RBM27: variants seen among roughly 807,000 people sequenced by gnomAD.
RBM27 encodes RNA binding motif protein 27, also known as RNA-binding protein 27.
Under a neutral mutation model 135.3 loss-of-function variants are expected in RBM27, and 22 were observed. That is an observed-to-expected ratio of 0.16 (90% CI 0.12 to 0.23). The LOEUF is 0.23. Among genes scored for constraint, RBM27 ranks in the 10% least tolerant of loss-of-function variants. The pLI, the probability that RBM27 is intolerant of heterozygous loss-of-function variation, is 1.00. For missense variants in RBM27, 1,009 were observed against 1,281.0 expected (o/e 0.79, Z 3.24); for synonymous variants, 481 against 442.4 (o/e 1.09, Z -1.10).
chr5:146,225,923 C>T (rs537974523), intron 3 of RBM27, among the ~76,000 whole-genome samples: 13 of 151,834 alleles, frequency 8.6e-5, no homozygotes, highest in South Asian at 8.3e-4. Context: ...AGTGCGGTGG[C>T]GCGATCTCGG....
At chr5:146,247,735 A>G (rs577576074) in intron 8 of RBM27, among the ~76,000 whole-genome samples, 1 of 152,308 alleles carries the variant, frequency 6.6e-6, no homozygotes, top group Non-Finnish European at 1.5e-5. Context: ...CATTTTATAG[A>G]TGGCGTTATG....
intron 19 of RBM27, among the ~76,000 whole-genome samples, chr5:146,275,575 A>G (rs1193689487): frequency 6.6e-6 from 1 of 152,088 alleles, no homozygotes; most frequent in South Asian, 2.1e-4. Flanking sequence ...CCCAGAAAGA[A>G]CTTTTTAAAA....
chr5:146,206,928 G>T (rs1009713223), intron 1 of RBM27, among the ~76,000 whole-genome samples: 2 of 152,000 alleles, frequency 1.3e-5, no homozygotes, highest in African/African-American at 4.8e-5. Context: ...TTTGAATGGA[G>T]ATATTAATAA....
At chr5:146,225,721 A>C (rs1246914914) in intron 3 of RBM27, among the ~76,000 whole-genome samples, 1 of 151,996 alleles carries the variant, frequency 6.6e-6, no homozygotes, top group East Asian at 1.9e-4. Flanking sequence ...ATGTGCCACC[A>C]TGCCTGGCTG....
At chr5:146,206,377 T>TC (rs1755653567) in intron 1 of RBM27, among the ~76,000 whole-genome samples, 1 of 149,206 alleles carries the variant, frequency 6.7e-6, no homozygotes, top group African/African-American at 2.5e-5. Flanking sequence ...TTTTTTTTTT[T>TC]TCCTTCTTTT....
intron 17 of RBM27, among the ~76,000 whole-genome samples, chr5:146,269,931 G>T (rs1366840223): frequency 6.6e-6 from 1 of 151,862 alleles, no homozygotes; most frequent in East Asian, 1.9e-4. Context: ...TTGGGAAGAG[G>T]TTGATAATAC....
In RBM27 at chr5:146,223,539, T is replaced by G; in HGVS notation, c.303+12T>G. The G allele has an allele frequency of 6.3e-7, 1 of 1,592,870 alleles. No individual in the cohort carries two copies. Among genetic ancestry groups the G allele is most frequent in the Non-Finnish European group, 8.5e-7 (1 of 1,174,264 alleles). ...AAATTAAAGAAGAGGTAATGCAAAT[T>G]TTTTCTCCTGCTTTTGGGGGCTTCT... On this transcript the variant is annotated intron_variant, in intron 3 of 20. Transcript: ENST00000265271.
intron 3 of RBM27, among the ~76,000 whole-genome samples, chr5:146,225,738 G>C (rs1194610705): frequency 6.6e-6 from 1 of 151,876 alleles, no homozygotes; most frequent in Non-Finnish European, 1.5e-5. Context: ...GCTGATTTTT[G>C]TATTTTTAAT....
intron 8 of RBM27, among the ~76,000 whole-genome samples, chr5:146,244,183 A>G (rs1224417219): frequency 6.6e-6 from 1 of 152,200 alleles, no homozygotes; most frequent in Non-Finnish European, 1.5e-5. Flanking sequence ...ACTGAATAGG[A>G]TATACATGGT....
chr5:146,251,705 C>T lies in RBM27; in HGVS notation c.1280-6C>T. On this transcript the variant is annotated splice_region_variant and splice_polypyrimidine_tract_variant and intron_variant, in intron 8 of 20. Coordinates refer to ENST00000265271, the MANE Select transcript of RBM27 (RefSeq NM_018989.2). ...CCCAGCTGCCCTCCTATTCTTTCCT[C>T]TATAGGACAGCCCATGTACTCTCGT... The T allele has an allele frequency of 1.2e-6, 2 of 1,605,022 alleles. No individual in the cohort carries two copies. The highest frequency in any genetic ancestry group is 1.7e-5 in the Admixed American group (1 of 60,010).
chr5:146,225,933 G>T (rs1210806293), intron 3 of RBM27, among the ~76,000 whole-genome samples: 1 of 151,944 alleles, frequency 6.6e-6, no homozygotes, highest in Non-Finnish European at 1.5e-5. Context: ...CGCGATCTCG[G>T]CCCATTGCAA....
chr5:146,217,906 C>T (rs963947702), intron 1 of RBM27, among the ~76,000 whole-genome samples: 2 of 151,856 alleles, frequency 1.3e-5, no homozygotes, highest in African/African-American at 4.8e-5. Flanking sequence ...TACAGACGTG[C>T]ACCACCACAC....
intron 7 of RBM27, among the ~76,000 whole-genome samples, chr5:146,236,287 G>A (rs1300732590): frequency 1.3e-5 from 2 of 152,092 alleles, no homozygotes; most frequent in Non-Finnish European, 1.5e-5. Context: ...ATATCTTTCC[G>A]TTTCTCCATT....
chr5:146,275,848 A>G (rs1759070836), intron 19 of RBM27, among the ~76,000 whole-genome samples: 1 of 152,212 alleles, frequency 6.6e-6, no homozygotes, highest in Non-Finnish European at 1.5e-5. Context: ...ATATTTTTCA[A>G]GTAGTGTGGC....
In RBM27 at chr5:146,223,469, A is replaced by T; in HGVS notation, c.245A>T (p.Glu82Val). The change falls in exon 3 of 21, where the codon GAA becomes GTA. Residue 82 changes from glutamate to valine, a missense_variant. Transcript: ENST00000265271. ...LYTKNYLPLL[E>V]PVKPEPKPLV... is the part of the protein sequence containing the mutation. ...ACTAAGAACTACCTTCCACTTTTGG[A>T]ACCAGTAAAGCCTGAGCCAAAACCA... The T allele has an allele frequency of 6.2e-7, 1 of 1,610,696 alleles. No individual in the cohort carries two copies. Among genetic ancestry groups the T allele is most frequent in the Non-Finnish European group, 8.5e-7 (1 of 1,178,510 alleles).
chr5:146,286,745 G>C lies in RBM27; in HGVS notation c.*715G>C, dbSNP rs748409573. 1 of 151,984 alleles carries C rather than the reference G, an allele frequency of 6.6e-6. No individual in the cohort carries two copies. Among genetic ancestry groups the C allele is most frequent in the Non-Finnish European group, 1.5e-5 (1 of 68,012 alleles). 9.4% of individuals were successfully genotyped at this position (151,984 alleles called of 1,614,324 possible). A position where few individuals can be genotyped will look rare whatever the true frequency, so the allele number is the denominator to read the frequency against. On this transcript the variant is annotated 3_prime_UTR_variant, in exon 21 of 21. Transcript: ENST00000265271. ...CTGCTACTGATTCTTAGTTTGCTTT[G>C]ATATTTAGTGAGCGCTGGTTCGGCT...
chr5:146,205,966 G>A (rs1244266939), intron 1 of RBM27, among the ~76,000 whole-genome samples: 1 of 152,090 alleles, frequency 6.6e-6, no homozygotes, highest in Non-Finnish European at 1.5e-5. Flanking sequence ...GTTTCAGTGA[G>A]CCTAGATCAG....
At chr5:146,231,491 A>C (rs1211254482) in intron 6 of RBM27, among the ~76,000 whole-genome samples, 5 of 151,932 alleles carry the variant, frequency 3.3e-5, no homozygotes, top group Non-Finnish European at 5.9e-5. Flanking sequence ...GAGAATATTT[A>C]AATTTTACCC....
At position 146,233,662 on chromosome 5, in the gene RBM27, C is replaced by G. The variant is rs1757041612; in HGVS notation, c.1063C>G (p.Pro355Ala). ...TCCAGGCCCAGGCCCGGGCCCAGGT[C>G]CAGGTCCTGGCCATAGTATGAGACT... Reference protein sequence around the residue: ...PGPGPGPGPGPGPGHSMRLPV... With the variant: ...PGPGPGPGPGAGPGHSMRLPV... The change falls in exon 7 of 21, where the codon CCA becomes GCA. Residue 355 changes from proline (P) to alanine (A), a missense_variant. Pro to Ala is a conservative substitution (Grantham distance 27). Coordinates refer to ENST00000265271, the MANE Select transcript of RBM27 (RefSeq NM_018989.2). The G allele has an allele frequency of 6.4e-7, 1 of 1,564,964 alleles. No homozygotes were observed. The highest frequency in any genetic ancestry group is 8.6e-7 in the Non-Finnish European group (1 of 1,165,910).
Sources: allele counts gnomAD v4.1 joint callset (sites outside exome capture counted in the v4.1 genomes callset), GRCh38; gene constraint gnomAD v4.1.1; transcripts MANE v1.5; gene names NCBI Gene and HGNC (gene_info 2026-07-23, HGNC 2026-07-21).